The following GLI3 variants were observed in gnomAD, a reference collection of about 807,000 sequenced individuals.
GLI3 encodes the protein GLI family zinc finger 3.
GLI3 carries 20 observed loss-of-function variants against 100.8 expected under a neutral mutation model. That is an observed-to-expected ratio of 0.20 (90% CI 0.14 to 0.29). The LOEUF (loss-of-function observed/expected upper bound fraction) is 0.29, where lower values mean the gene tolerates loss of function less well. GLI3 is among the 10% of genes least tolerant of loss of function. GLI3 has a pLI of 1.00. For synonymous variants in GLI3, 938 were observed against 860.5 expected (o/e 1.09, Z -1.58); for missense variants, 2,040 against 2,128.5 (o/e 0.96, Z 0.82).
At position 41,973,161 on chromosome 7, in the gene GLI3, G is replaced by A. The variant is rs762808759; in HGVS notation, c.1813-534C>T. Reference sequence around the variant, plus strand: ...GCACAGGCATAATTTAAAAATTGCCGATGGCATCTCCCATGTTAGATGACA... The same window carrying A: ...GCACAGGCATAATTTAAAAATTGCCAATGGCATCTCCCATGTTAGATGACA... On this transcript the variant is annotated intron_variant, in intron 12 of 14. Transcript: ENST00000395925. Among the ~76,000 whole-genome samples the A allele has an allele frequency of 4.6e-5, 7 of 152,316 alleles. No individual in the cohort carries two copies. The South Asian group carries it at 8.3e-4, about 18-fold the overall frequency.
chr7:42,173,610 T>A (rs1335796357), intron 2 of GLI3, among the ~76,000 whole-genome samples: 1 of 152,238 alleles, frequency 6.6e-6, no homozygotes, highest in African/African-American at 2.4e-5. Flanking sequence ...CAGAGTCTGA[T>A]GAGAGCCTTC....
intron 3 of GLI3, among the ~76,000 whole-genome samples, chr7:42,091,562 G>C (rs1356330614): frequency 6.6e-6 from 1 of 152,254 alleles, no homozygotes; most frequent in Non-Finnish European, 1.5e-5. Context: ...CCACCGGCCT[G>C]CTGTCCTGAG....
chr7:42,253,070 C>T (rs1001959849), intron 1 of GLI3, among the ~76,000 whole-genome samples: 1 of 152,202 alleles, frequency 6.6e-6, no homozygotes, highest in African/African-American at 2.4e-5. Context: ...GTGGAGCTTG[C>T]ATTAGCAGAA....
chr7:42,216,402 G>A (rs984640467), intron 2 of GLI3, among the ~76,000 whole-genome samples: 2 of 152,334 alleles, frequency 1.3e-5, no homozygotes, highest in East Asian at 3.9e-4. Context: ...GTATTCTGTA[G>A]CATACTGCAG....
chr7:42,062,329 C>A (rs1205194602), intron 4 of GLI3, among the ~76,000 whole-genome samples: 1 of 152,200 alleles, frequency 6.6e-6, no homozygotes, highest in Non-Finnish European at 1.5e-5. Flanking sequence ...TGACCCATCA[C>A]TTGAGTATCC....
intron 6 of GLI3, among the ~76,000 whole-genome samples, chr7:42,041,481 G>A (rs1236829681): frequency 1.3e-5 from 2 of 152,140 alleles, no homozygotes; most frequent in African/African-American, 2.4e-5. Flanking sequence ...TTTAATGAAC[G>A]AATGAGAACA....
At chr7:42,173,366 A>T (rs1007592242) in intron 2 of GLI3, among the ~76,000 whole-genome samples, 5 of 152,172 alleles carry the variant, frequency 3.3e-5, no homozygotes, top group Non-Finnish European at 5.9e-5. Context: ...CTATTTTTTT[A>T]AAATTGCATT....
At chr7:42,186,767 A>G (rs1437987374) in intron 2 of GLI3, among the ~76,000 whole-genome samples, 1 of 151,874 alleles carries the variant, frequency 6.6e-6, no homozygotes, top group Non-Finnish European at 1.5e-5. Flanking sequence ...GTTCAAACAG[A>G]CTTCTGGTTC....
chr7:41,991,080 C>T (rs1330652747), intron 10 of GLI3, among the ~76,000 whole-genome samples: 1 of 152,214 alleles, frequency 6.6e-6, no homozygotes, highest in Non-Finnish European at 1.5e-5. Context: ...ATGACAGTTA[C>T]TGTGCTCAAC....
chr7:42,003,083 C>T (rs375599904), intron 10 of GLI3, among the ~76,000 whole-genome samples: 3 of 152,306 alleles, frequency 2.0e-5, no homozygotes, highest in South Asian at 2.1e-4. Flanking sequence ...GAATCCAGAA[C>T]AGTGTCTGAC....
chr7:42,148,041 A>G (rs941677506), intron 3 of GLI3, among the ~76,000 whole-genome samples, 185 bp downstream of exon 3: 7 of 152,148 alleles, frequency 4.6e-5, no homozygotes, highest in Admixed American at 4.6e-4. Context: ...CTCTCTCTAA[A>G]AAGAATGGGA....
At chr7:42,179,078 G>A (rs903195172) in intron 2 of GLI3, among the ~76,000 whole-genome samples, 1 of 152,054 alleles carries the variant, frequency 6.6e-6, no homozygotes, top group Non-Finnish European at 1.5e-5. Context: ...GGAGGGACCT[G>A]GTGAGAGGGA....
chr7:42,094,626 C>T (rs570010119), intron 3 of GLI3, among the ~76,000 whole-genome samples: 7 of 151,530 alleles, frequency 4.6e-5, no homozygotes, highest in East Asian at 1.9e-4. Context: ...CCCAGCTACC[C>T]GAGAGGCTGA....
intron 3 of GLI3, among the ~76,000 whole-genome samples, chr7:42,113,174 C>G (rs1242531767): frequency 6.6e-6 from 1 of 152,082 alleles, no homozygotes. Context: ...GAGACTCTGT[C>G]TCAAAAATAA....
At chr7:42,207,112 G>A (rs1468482122) in intron 2 of GLI3, among the ~76,000 whole-genome samples, 3 of 152,158 alleles carry the variant, frequency 2.0e-5, no homozygotes, top group Non-Finnish European at 2.9e-5. Context: ...ATTAGGCAGT[G>A]TCTACTAAAG....
intron 3 of GLI3, among the ~76,000 whole-genome samples, chr7:42,108,502 C>T (rs1341601993): frequency 6.6e-6 from 1 of 152,154 alleles, no homozygotes; most frequent in East Asian, 1.9e-4. Flanking sequence ...CTCTGGGTAG[C>T]TTGGTGAGCA....
intron 1 of GLI3, among the ~76,000 whole-genome samples, chr7:42,250,482 A>T (rs148270729): frequency 1.3e-5 from 2 of 152,282 alleles, no homozygotes; most frequent in Non-Finnish European, 2.9e-5. Flanking sequence ...TGTCACAGGG[A>T]GTCATCACCA....
chr7:42,086,660 ACC>A, intron 3 of GLI3, among the ~76,000 whole-genome samples: 1 of 151,406 alleles, frequency 6.6e-6, no homozygotes, highest in East Asian at 1.9e-4. Context: ...CCCAAGTCTT[ACC>A]CCCTCTTCAA....
chr7:41,981,916 A>G (rs1787678266), intron 10 of GLI3, among the ~76,000 whole-genome samples: 1 of 152,148 alleles, frequency 6.6e-6, no homozygotes, highest in Admixed American at 6.5e-5. Context: ...CCACTGAGAC[A>G]ATGTGTGGAA....
Sources: gnomAD v4.1 joint callset for allele counts (sites outside exome capture counted in the v4.1 genomes callset) on GRCh38, gnomAD v4.1.1 for gene constraint, MANE v1.5 for transcripts, NCBI Gene and HGNC (gene_info 2026-07-23, HGNC 2026-07-21) for gene names.